The following GRM8 variants were observed in gnomAD, a reference collection of about 807,000 sequenced individuals.
GRM8 encodes metabotropic glutamate receptor 8.
In GRM8, 47 loss-of-function variants were observed where a neutral mutation model predicts 87.2. That is an observed-to-expected ratio of 0.54 (90% CI 0.43 to 0.69). The LOEUF (loss-of-function observed/expected upper bound fraction) is 0.69, where lower values mean the gene tolerates loss of function less well. GRM8 is among the 30% of genes least tolerant of loss of function. GRM8 has a pLI of 0.00. For synonymous variants in GRM8, 396 were observed against 404.5 expected (o/e 0.98, Z 0.25); for missense variants, 1,019 against 1,139.2 (o/e 0.89, Z 1.52).
At chr7:127,103,656 G>A (rs1825542590) in intron 3 of GRM8, among the ~76,000 whole-genome samples, 1 of 152,186 alleles carries the variant, frequency 6.6e-6, no homozygotes, top group African/African-American at 2.4e-5. Context: ...AAATAATCAT[G>A]TGTCTATGTC....
At chr7:126,737,044 C>T (rs1814310506) in intron 7 of GRM8, among the ~76,000 whole-genome samples, 1 of 152,046 alleles carries the variant, frequency 6.6e-6, no homozygotes, top group Admixed American at 6.6e-5. Flanking sequence ...TGAAAACAAA[C>T]CTCCTTCCTG....
intron 6 of GRM8, among the ~76,000 whole-genome samples, chr7:126,806,903 G>C (rs1281477506): frequency 6.6e-6 from 1 of 152,228 alleles, no homozygotes; most frequent in Non-Finnish European, 1.5e-5. Flanking sequence ...CCCGCGAGCA[G>C]AGGGAGCCGG....
At chr7:126,502,571 T>G (rs759722711) in intron 9 of GRM8, among the ~76,000 whole-genome samples, 3 of 152,136 alleles carry the variant, frequency 2.0e-5, no homozygotes, top group Non-Finnish European at 2.9e-5. Flanking sequence ...CATTGGTTTA[T>G]GTACTGAGAT....
At chr7:126,750,642 G>A (rs1223198728) in intron 7 of GRM8, among the ~76,000 whole-genome samples, 1 of 152,026 alleles carries the variant, frequency 6.6e-6, no homozygotes. Context: ...TTTAGCCACT[G>A]TCTTCCAATT....
intron 6 of GRM8, among the ~76,000 whole-genome samples, chr7:126,854,416 T>C (rs1405278544): frequency 6.6e-6 from 1 of 152,194 alleles, no homozygotes; most frequent in Non-Finnish European, 1.5e-5. Context: ...CTAGTGGCTA[T>C]AGTTTTAGTA....
intron 7 of GRM8, among the ~76,000 whole-genome samples, chr7:126,613,454 C>T (rs921726608): frequency 6.6e-6 from 1 of 152,154 alleles, no homozygotes; most frequent in Non-Finnish European, 1.5e-5. Context: ...GTGTGAGCGA[C>T]GCAGAAGACG....
chr7:127,087,686 C>T (rs879412059), intron 3 of GRM8, among the ~76,000 whole-genome samples: 1 of 152,190 alleles, frequency 6.6e-6, no homozygotes, highest in Non-Finnish European at 1.5e-5. Flanking sequence ...CTGTACAACG[C>T]TGCACCCACA....
chr7:126,805,839 A>G (rs1287017637), intron 6 of GRM8, among the ~76,000 whole-genome samples: 1 of 152,210 alleles, frequency 6.6e-6, no homozygotes, highest in Non-Finnish European at 1.5e-5. Context: ...GGTAGAGCAC[A>G]GGCATGAGTC....
At chr7:126,632,739 G>A (rs1352079744) in intron 7 of GRM8, among the ~76,000 whole-genome samples, 9 of 152,090 alleles carry the variant, frequency 5.9e-5, no homozygotes, top group African/African-American at 2.2e-4. Context: ...GCAGGGACAT[G>A]GATGGAGCTG....
chr7:126,775,337 CT>C (rs1394966016), intron 6 of GRM8, among the ~76,000 whole-genome samples: 10 of 152,090 alleles, frequency 6.6e-5, no homozygotes. Flanking sequence ...AGGAATAAGA[CT>C]GTCATGCTTT....
intron 3 of GRM8, among the ~76,000 whole-genome samples, chr7:127,000,508 AAT>A (rs906866856): frequency 2.0e-4 from 30 of 151,756 alleles, no homozygotes; most frequent in South Asian, 8.3e-4. Flanking sequence ...ATGCCCCATA[AAT>A]ATATACACTT....
At chr7:126,906,210 C>A (rs80157027) in intron 3 of GRM8, among the ~76,000 whole-genome samples, 3,649 of 152,244 alleles carry the variant, frequency 0.024, 132 homozygotes, top group African/African-American at 0.082. Context: ...AGGAAGAGGG[C>A]CCTCATCAGC....
intron 3 of GRM8, among the ~76,000 whole-genome samples, chr7:127,026,875 T>C (rs765813372): frequency 6.6e-6 from 1 of 152,164 alleles, no homozygotes; most frequent in Non-Finnish European, 1.5e-5. Flanking sequence ...TTTGTCATCA[T>C]TGCTTTTGGT....
At chr7:126,545,248 G>C (rs1250476042) in intron 8 of GRM8, among the ~76,000 whole-genome samples, 1 of 152,178 alleles carries the variant, frequency 6.6e-6, no homozygotes, top group South Asian at 2.1e-4. Flanking sequence ...TAAATGGGAT[G>C]TAATAACCTT....
At chr7:126,755,979 T>C (rs969725708) in intron 7 of GRM8, among the ~76,000 whole-genome samples, 6 of 152,176 alleles carry the variant, frequency 3.9e-5, no homozygotes, top group African/African-American at 1.4e-4. Context: ...TTAGTTTTTA[T>C]TTATTTCATC....
chr7:126,987,350 C>T (rs1213518470), intron 3 of GRM8, among the ~76,000 whole-genome samples: 2 of 152,150 alleles, frequency 1.3e-5, no homozygotes, highest in African/African-American at 4.8e-5. Context: ...GCTCGGCATC[C>T]ACCAAACTCT....
intron 3 of GRM8, among the ~76,000 whole-genome samples, chr7:126,950,688 A>C (rs778494108): frequency 4.6e-5 from 7 of 152,136 alleles, no homozygotes; most frequent in Admixed American, 6.5e-5. Flanking sequence ...CATGCTAAGC[A>C]TTTCCCATGG....
chr7:126,794,616 A>C (rs1229328010), intron 6 of GRM8, among the ~76,000 whole-genome samples: 1 of 152,122 alleles, frequency 6.6e-6, no homozygotes, highest in African/African-American at 2.4e-5. Context: ...CTGGTATTTT[A>C]TTATTCTGAG....
intron 2 of GRM8, among the ~76,000 whole-genome samples, chr7:127,216,445 C>T (rs1015249531): frequency 3.5e-5 from 5 of 144,646 alleles, no homozygotes; most frequent in African/African-American, 1.3e-4. Flanking sequence ...TTGAACCCAG[C>T]AGGCGGAGGT....
Sources: gnomAD v4.1 joint callset for allele counts (sites outside exome capture counted in the v4.1 genomes callset) on GRCh38, gnomAD v4.1.1 for gene constraint, MANE v1.5 for transcripts, NCBI Gene and HGNC (gene_info 2026-07-23, HGNC 2026-07-21) for gene names.